DCDC2: variants seen among roughly 807,000 people sequenced by gnomAD.
The protein encoded by DCDC2 is doublecortin domain-containing protein 2.
DCDC2 carries 40 observed loss-of-function variants against 50.2 expected under a neutral mutation model. The ratio of observed to expected loss-of-function variants is 0.80; its 90% CI spans 0.62 to 1.04. The LOEUF (loss-of-function observed/expected upper bound fraction) is 1.04. Ranked by LOEUF, DCDC2 falls within the 50% of genes least tolerant of loss-of-function variation. The pLI, the probability that DCDC2 is intolerant of heterozygous loss-of-function variation, is 0.00. For missense variants in DCDC2, 570 were observed against 581.9 expected (o/e 0.98, Z 0.21); for synonymous variants, 234 against 210.6 (o/e 1.11, Z -0.96).
At chr6:24,253,083 A>G (rs1385483764) in intron 7 of DCDC2, among the ~76,000 whole-genome samples, 4 of 152,130 alleles carry the variant, frequency 2.6e-5, no homozygotes, top group African/African-American at 4.8e-5. Flanking sequence ...TAATATTAGG[A>G]AAAAAACAAG....
the DCDC2 span, among the ~76,000 whole-genome samples, chr6:24,380,075 G>A: frequency 6.6e-6 from 1 of 151,972 alleles, no homozygotes. Context: ...AGCATTAGGA[G>A]AAATACCTAA....
At chr6:24,304,165 T>A (rs1292900122) in intron 2 of DCDC2, among the ~76,000 whole-genome samples, 1 of 152,200 alleles carries the variant, frequency 6.6e-6, no homozygotes, top group African/African-American at 2.4e-5. Context: ...TAGCATCACA[T>A]TAAGTGACGC....
chr6:24,331,031 G>A (rs1759955562), intron 2 of DCDC2, among the ~76,000 whole-genome samples: 1 of 152,130 alleles, frequency 6.6e-6, no homozygotes, highest in Admixed American at 6.5e-5. Context: ...CTTCCAGGAT[G>A]ATAAAGATAT....
intron 9 of DCDC2, 91 bp from the exon 10 acceptor site, chr6:24,174,925 T>C: frequency 3.0e-6 from 2 of 661,104 alleles, no homozygotes; most frequent in Non-Finnish European, 4.8e-6. Context: ...CAAGATTCTA[T>C]TTAATTATAT....
chr6:24,302,463 G>T (rs980299320), intron 2 of DCDC2, among the ~76,000 whole-genome samples: 2 of 151,868 alleles, frequency 1.3e-5, no homozygotes, highest in African/African-American at 4.8e-5. Flanking sequence ...CCATTCCCAT[G>T]CACCTGCTTT....
the DCDC2 span, among the ~76,000 whole-genome samples, chr6:24,379,055 T>C: frequency 6.6e-6 from 1 of 151,164 alleles, no homozygotes; most frequent in African/African-American, 2.4e-5. Context: ...TCAAGATGGA[T>C]TAAAGACTTA....
the DCDC2 span, among the ~76,000 whole-genome samples, chr6:24,378,084 T>C: frequency 2.0e-5 from 3 of 152,346 alleles, no homozygotes; most frequent in East Asian, 5.8e-4. Context: ...TTCTTCTTTC[T>C]TGTCCAAATA....
chr6:24,314,503 A>AAAAAG (rs1378542695), intron 2 of DCDC2, among the ~76,000 whole-genome samples: 1 of 143,650 alleles, frequency 7.0e-6, no homozygotes, highest in African/African-American at 2.7e-5. Flanking sequence ...AAAACAAAAA[A>AAAAAG]GCACTAAAAT....
chr6:24,328,569 A>C (rs1344155464), intron 2 of DCDC2, among the ~76,000 whole-genome samples: 1 of 152,164 alleles, frequency 6.6e-6, no homozygotes, highest in African/African-American at 2.4e-5. Flanking sequence ...ATCATGCCCC[A>C]GAGGTATATT....
At chr6:24,333,779 G>A (rs1760009412) in intron 2 of DCDC2, among the ~76,000 whole-genome samples, 1 of 152,178 alleles carries the variant, frequency 6.6e-6, no homozygotes, top group Non-Finnish European at 1.5e-5. Context: ...AGCTGAATGG[G>A]TGCAAGGAGA....
upstream of DCDC2, among the ~76,000 whole-genome samples, chr6:24,359,428 TTTATATATAC>T (rs1460027895): frequency 0.049 from 3,129 of 64,038 alleles, 298 homozygotes; most frequent in East Asian, 0.2. Context: ...ATTATATATA[TTTATATATAC>T]TATATAGTAT....
intron 2 of DCDC2, among the ~76,000 whole-genome samples, chr6:24,314,886 T>C (rs535969457): frequency 6.6e-6 from 1 of 152,260 alleles, no homozygotes; most frequent in South Asian, 2.1e-4. Context: ...GGTTTCAAGG[T>C]AGAGAAACGT....
rs9295617 is a variant in DCDC2, at chr6:24,232,895, C to A, written c.923-27793G>T. Reference sequence around the variant, plus strand: ...TCTGGCCATAGGAAAAGCTAGCCAACTTTCCTTTCCATATCTTCCTAGGAA... The same window carrying A: ...TCTGGCCATAGGAAAAGCTAGCCAAATTTCCTTTCCATATCTTCCTAGGAA... On this transcript the variant is annotated intron_variant, in intron 7 of 9. Transcript: ENST00000378454. Among the ~76,000 whole-genome samples, 1,346 of 152,124 alleles carry A rather than the reference C, an allele frequency of 8.8e-3. 16 individuals carry two copies. The highest frequency in any genetic ancestry group is 0.03 in the African/African-American group (1,234 of 41,504).
chr6:24,178,414 C>T lies in DCDC2; in HGVS notation c.1242G>A (p.Glu414=). 1 of 1,614,206 alleles carries T rather than the reference C, an allele frequency of 6.2e-7. No homozygotes were observed. The highest frequency in any genetic ancestry group is 8.5e-7 in the Non-Finnish European group (1 of 1,180,048). ...VNGGTDEENG[E]ELQQVNNELQ... is the part of the protein sequence containing the mutation. ...GCTCATTATTAACCTGCTGCAGCTC[C>T]TCACCATTCTCCTCATCGGTGCCTC... The change falls in exon 9 of 10, where the codon GAG becomes GAA. Residue 414 remains glutamate, a synonymous_variant. Transcript: ENST00000378454.
chr6:24,235,056 T>C (rs1646900000), intron 7 of DCDC2, among the ~76,000 whole-genome samples: 1 of 152,228 alleles, frequency 6.6e-6, no homozygotes, highest in Non-Finnish European at 1.5e-5. Context: ...GATAAAAAGA[T>C]ATGATTTGAC....
At chr6:24,259,843 G>C (rs1433379178) in intron 7 of DCDC2, among the ~76,000 whole-genome samples, 2 of 152,012 alleles carry the variant, frequency 1.3e-5, no homozygotes, top group East Asian at 3.9e-4. Flanking sequence ...CCTTGACTTA[G>C]AAACACTTCT....
chr6:24,278,875 T>C (rs917017446), intron 6 of DCDC2, among the ~76,000 whole-genome samples: 3 of 152,202 alleles, frequency 2.0e-5, no homozygotes, highest in African/African-American at 7.2e-5. Context: ...CCATGGTCTC[T>C]AAGAATCGCA....
At chr6:24,220,883 CGAGAGAGT>C (rs1561895528) in intron 7 of DCDC2, among the ~76,000 whole-genome samples, 7 of 95,746 alleles carry the variant, frequency 7.3e-5, no homozygotes, top group African/African-American at 2.0e-4. Context: ...AGAGCGAGAG[CGAGAGAGT>C]GAGCGAGCGA....
chr6:24,224,313 C>T (rs545478595), intron 7 of DCDC2, among the ~76,000 whole-genome samples: 16 of 152,170 alleles, frequency 1.1e-4, no homozygotes, highest in Non-Finnish European at 2.2e-4. Context: ...TCTAAAGATA[C>T]AAAGAACCAG....
Sources: gnomAD v4.1 joint callset for allele counts (sites outside exome capture counted in the v4.1 genomes callset) on GRCh38, gnomAD v4.1.1 for gene constraint, MANE v1.5 for transcripts, NCBI Gene and HGNC (gene_info 2026-07-23, HGNC 2026-07-21) for gene names.